Variants in LRMDA observed in about 807,000 individuals in gnomAD.
LRMDA encodes the protein leucine-rich melanocyte differentiation-associated protein.
Under a neutral mutation model 29.8 loss-of-function variants are expected in LRMDA, and 18 were observed. The observed-to-expected ratio is 0.60, with a 90% confidence interval of 0.42 to 0.90. LRMDA has a LOEUF of 0.90. LRMDA is among the 40% of genes least tolerant of loss of function. The pLI is 0.00. For synonymous variants in LRMDA, 125 were observed against 109.4 expected (o/e 1.14, Z -0.89); for missense variants, 273 against 273.9 (o/e 1.00, Z 0.02).
chr10:76,071,625 C>T (rs567561196), intron 5 of LRMDA, among the ~76,000 whole-genome samples: 1 of 152,340 alleles, frequency 6.6e-6, no homozygotes, highest in Non-Finnish European at 1.5e-5. Flanking sequence ...TCCTTCTTTG[C>T]TTTCCCTCCC....
At chr10:76,219,376 C>T (rs571626683) in intron 5 of LRMDA, among the ~76,000 whole-genome samples, 6 of 152,154 alleles carry the variant, frequency 3.9e-5, no homozygotes, top group South Asian at 4.2e-4. Flanking sequence ...ACCCATCTCA[C>T]GTGCAGAGAC....
intron 2 of LRMDA, among the ~76,000 whole-genome samples, chr10:75,936,270 C>A (rs1846291231): frequency 6.6e-6 from 1 of 152,036 alleles, no homozygotes; most frequent in Non-Finnish European, 1.5e-5. Flanking sequence ...TGGAGGAATC[C>A]TCAGACCTGG....
At chr10:76,548,219 G>A (rs777146577) in intron 6 of LRMDA, among the ~76,000 whole-genome samples, 19 of 151,978 alleles carry the variant, frequency 1.3e-4, no homozygotes, top group Non-Finnish European at 2.5e-4. Flanking sequence ...ATTTTTCTCC[G>A]CTGTAAAATG....
chr10:76,509,065 T>C (rs1842984920), intron 6 of LRMDA, among the ~76,000 whole-genome samples: 1 of 152,212 alleles, frequency 6.6e-6, no homozygotes, highest in East Asian at 1.9e-4. Context: ...AAATTGTCTA[T>C]ACATTATTTG....
rs183241251 is a variant in LRMDA at position 75,801,728 on chromosome 10, C to T, written c.132-234280C>T. ...GGGATCCCTCTAAGCCATTGAACTT[C>T]GGCATTTGCTCTGAGTGAGAGATAA... On this transcript the variant is annotated intron_variant, in intron 2 of 6. Coordinates refer to ENST00000611255, the MANE Select transcript of LRMDA (RefSeq NM_001305581.2). Among the ~76,000 whole-genome samples, 15 of 152,204 alleles carry T rather than the reference C, an allele frequency of 9.9e-5. No individual in the cohort carries two copies. The East Asian group carries it at 2.5e-3, about 26-fold the overall frequency.
At chr10:76,514,702 C>T (rs530995346) in intron 6 of LRMDA, among the ~76,000 whole-genome samples, 69 of 152,170 alleles carry the variant, frequency 4.5e-4, no homozygotes, top group African/African-American at 1.7e-3. Flanking sequence ...AGATGTGAGG[C>T]TGGGGGAAAA....
At chr10:76,062,951 C>T (rs977361758) in intron 5 of LRMDA, among the ~76,000 whole-genome samples, 5 of 152,212 alleles carry the variant, frequency 3.3e-5, no homozygotes, top group Admixed American at 6.5e-5. Context: ...CGTGTGTGGT[C>T]GGCATGTCAG....
chr10:75,799,466 G>T (rs1843709884), intron 2 of LRMDA, among the ~76,000 whole-genome samples: 1 of 151,146 alleles, frequency 6.6e-6, no homozygotes, highest in African/African-American at 2.4e-5. Context: ...CATCCTTGTT[G>T]ATTGCATTTA....
rs139293554 is a variant in LRMDA, at chr10:75,601,995, A to G, written c.131+163501A>G. 1.1e-3 allele frequency among the ~76,000 whole-genome samples: 173 copies of G among 152,336 alleles called. 4 individuals carry two copies. In the East Asian group the frequency reaches 0.024, roughly 21 times the overall value. On this transcript the variant is annotated intron_variant, in intron 2 of 6. Coordinates refer to ENST00000611255, the MANE Select transcript of LRMDA (RefSeq NM_001305581.2). The stretch of plus-strand genomic sequence containing the variant: ...CTCTGTGCGATATCTTTTCTCCTCC[A>G]GAATACTATCTTCTGTGATTGATAA...
chr10:75,979,675 A>T (rs1389070732), intron 2 of LRMDA, among the ~76,000 whole-genome samples: 1 of 151,386 alleles, frequency 6.6e-6, no homozygotes, highest in Non-Finnish European at 1.5e-5. Flanking sequence ...CTCTGTTTGG[A>T]TGTCAAGGAC....
chr10:76,494,232 G>A (rs978517521), intron 6 of LRMDA, among the ~76,000 whole-genome samples: 12 of 151,732 alleles, frequency 7.9e-5, no homozygotes, highest in Admixed American at 5.9e-4. Context: ...CAGAAGTGGG[G>A]AAGTGGCCAT....
intron 2 of LRMDA, chr10:75,883,355 G>A (rs1422728440): frequency 1.3e-5 from 2 of 152,198 alleles, no homozygotes; most frequent in Non-Finnish European, 2.9e-5. Context: ...ATTGTGCCAA[G>A]CAGGCTCTGG....
intron 5 of LRMDA, among the ~76,000 whole-genome samples, chr10:76,121,702 G>A (rs1424663086): frequency 6.6e-6 from 1 of 152,192 alleles, no homozygotes; most frequent in Non-Finnish European, 1.5e-5. Flanking sequence ...CAGATATCCA[G>A]TATTAGATTC....
chr10:76,487,330 G>A (rs1451877204), intron 6 of LRMDA, among the ~76,000 whole-genome samples: 1 of 151,874 alleles, frequency 6.6e-6, no homozygotes, highest in Non-Finnish European at 1.5e-5. Flanking sequence ...GAAGATATCA[G>A]GGGCTTGAAG....
intron 5 of LRMDA, among the ~76,000 whole-genome samples, chr10:76,322,951 C>T (rs1042191149): frequency 2.0e-5 from 3 of 152,124 alleles, no homozygotes; most frequent in Non-Finnish European, 4.4e-5. Context: ...AATAGAGAGA[C>T]ACTTGGTGAC....
At chr10:75,802,402 T>C (rs888693298) in intron 2 of LRMDA, among the ~76,000 whole-genome samples, 1 of 152,008 alleles carries the variant, frequency 6.6e-6, no homozygotes, top group African/African-American at 2.4e-5. Flanking sequence ...AAGGCCGGTC[T>C]AGCATAAAGC....
intron 2 of LRMDA, among the ~76,000 whole-genome samples, chr10:76,011,148 G>A (rs1003675651): frequency 1.3e-4 from 20 of 152,128 alleles, no homozygotes; most frequent in African/African-American, 4.6e-4. Context: ...GTAGAGAGTG[G>A]ATATATTTTT....
chr10:76,047,021 G>A (rs557401908), intron 3 of LRMDA, 143 bp from the exon 4 acceptor site: 13 of 878,362 alleles, frequency 1.5e-5, no homozygotes, highest in Admixed American at 4.7e-5. Flanking sequence ...TAGCAATACC[G>A]TATACCCACA....
intron 5 of LRMDA, among the ~76,000 whole-genome samples, chr10:76,269,144 G>A (rs965064882): frequency 6.6e-5 from 10 of 152,070 alleles, no homozygotes; most frequent in African/African-American, 2.4e-4. Context: ...TGGTGACAAA[G>A]CAATCATCTG....
Sources: allele counts gnomAD v4.1 joint callset (sites outside exome capture counted in the v4.1 genomes callset), GRCh38; gene constraint gnomAD v4.1.1; transcripts MANE v1.5; gene names NCBI Gene and HGNC (gene_info 2026-07-23, HGNC 2026-07-21).